Variants in NCAPD2 observed in about 807,000 individuals in gnomAD.
NCAPD2 encodes the protein non-SMC condensin I complex subunit D2.
Under a neutral mutation model 164.5 loss-of-function variants are expected in NCAPD2, and 100 were observed. That is an observed-to-expected ratio of 0.61 (90% confidence interval 0.52 to 0.72). The LOEUF (loss-of-function observed/expected upper bound fraction) is 0.72. Among genes scored for constraint, NCAPD2 ranks in the 30% least tolerant of loss-of-function variants. The probability of loss-of-function intolerance (pLI) is 0.00; values close to 1 mark genes in which losing one functional copy is unlikely to be tolerated. For missense variants in NCAPD2, 1,560 were observed against 1,749.2 expected, an observed-to-expected ratio of 0.89 and a Z score of 1.93; for synonymous variants, 585 against 642.6, an observed-to-expected ratio of 0.91 and a Z score of 1.36.
chr12:6,525,961 C>T (rs903979270), intron 18 of NCAPD2, 107 bp from the exon 19 acceptor site: 8 of 1,434,976 alleles, frequency 5.6e-6, no homozygotes, highest in African/African-American at 2.8e-5. Flanking sequence ...TAGTGCTCCA[C>T]GGCTCTAGAC....
Position 6,517,646 on chromosome 12 carries a change from A to G in NCAPD2, c.1371A>G (p.Leu457=). ...AGPLQKETQK[L]QEMRAQRRTA... ...CACTGCAGAAGGAGACCCAGAAATT[A>G]CAAGAGATGAGGGCCCAGAGGCGAA... Residue 457 remains leucine (L), a synonymous_variant, in exon 12 of 32, where the codon TTA becomes TTG. Coordinates refer to ENST00000315579, the MANE Select transcript of NCAPD2 (RefSeq NM_014865.4). 6.2e-7 allele frequency: 1 copy of G among 1,614,260 alleles called. No individual in the cohort carries two copies.
intron 13 of NCAPD2, 23 bp from the exon 14 acceptor site, chr12:6,520,962 AC>A (rs1195580977): frequency 6.2e-7 from 1 of 1,613,500 alleles, no homozygotes; most frequent in Non-Finnish European, 8.5e-7. Context: ...TCTTCTGGGT[AC>A]TGACAGGCTG....
rs566110893 is a variant in NCAPD2, at chr12:6,516,956, T to C, written c.1116T>C (p.His372=). 4 of 1,614,148 alleles carry C rather than the reference T, an allele frequency of 2.5e-6. No individual in the cohort carries two copies. In the South Asian group the frequency reaches 3.3e-5, roughly 13 times the overall value. The change falls in exon 10 of 32, where the codon CAT becomes CAC. Residue 372 remains histidine (H), a synonymous_variant. Transcript: ENST00000315579. ...RDQFLDTLQA[H]GHDVNSFVRS... ...AGTTCTTGGATACTTTACAAGCCCA[T>C]GGCCATGATGTCAACTCCTTTGTGC... is the stretch of plus-strand genomic sequence containing the variant.
intron 2 of NCAPD2, among the ~76,000 whole-genome samples, chr12:6,505,846 C>CAG (rs61380726): frequency 0.79 from 120,403 of 152,012 alleles, 48,447 homozygotes; most frequent in African/African-American, 0.95. Flanking sequence ...GCCTGGGTGA[C>CAG]AGCAAGAACC....
intron 13 of NCAPD2, among the ~76,000 whole-genome samples, chr12:6,520,785 A>G (rs1946256593): frequency 6.6e-6 from 1 of 152,226 alleles, no homozygotes; most frequent in Non-Finnish European, 1.5e-5. Flanking sequence ...GTGTTTGCAG[A>G]TGAGCAGTCA....
At position 6,514,325 on chromosome 12, in the gene NCAPD2, C is replaced by G. The variant is rs1946179440; in HGVS notation, c.648C>G (p.Asn216Lys). Residue 216 changes from asparagine to lysine, a missense_variant, in exon 7 of 32, where the codon AAC (asparagine) becomes AAG (lysine). Coordinates refer to ENST00000315579, the MANE Select transcript of NCAPD2 (RefSeq NM_014865.4). ...LENPTINHQK[N>K]RPTREAITHL... ...ATCCCACCATTAATCACCAGAAGAACCGCCCCACTCGGGAAGCCATAACAC... is the reference window on the plus strand; with the variant it reads ...ATCCCACCATTAATCACCAGAAGAAGCGCCCCACTCGGGAAGCCATAACAC... 1 of 1,614,070 alleles carries G rather than the reference C, an allele frequency of 6.2e-7. No homozygotes were observed. Among genetic ancestry groups the G allele is most frequent in the African/African-American group, 1.3e-5 (1 of 74,926 alleles).
At chr12:6,530,519 A>C (rs1332435473) in intron 29 of NCAPD2, among the ~76,000 whole-genome samples, 172 bp from the exon 30 acceptor site, 1 of 152,220 alleles carries the variant, frequency 6.6e-6, no homozygotes, top group Admixed American at 6.5e-5. Flanking sequence ...TACTGTTGCC[A>C]TCACTTTGTC....
intron 17 of NCAPD2, among the ~76,000 whole-genome samples, chr12:6,524,008 T>C (rs1336578110): frequency 2.0e-5 from 3 of 152,214 alleles, no homozygotes; most frequent in Non-Finnish European, 4.4e-5. Context: ...TAGCATTATC[T>C]GCATTTTACA....
intron 2 of NCAPD2, among the ~76,000 whole-genome samples, chr12:6,499,777 G>A (rs1274304129): frequency 6.6e-6 from 1 of 152,174 alleles, no homozygotes; most frequent in Non-Finnish European, 1.5e-5. Flanking sequence ...ACACAGATTG[G>A]TGAGGACCAC....
intron 2 of NCAPD2, among the ~76,000 whole-genome samples, chr12:6,503,330 T>C (rs1221216218): frequency 6.6e-6 from 1 of 152,196 alleles, no homozygotes; most frequent in Non-Finnish European, 1.5e-5. Flanking sequence ...AGAAATTTAT[T>C]GGCTCACATT....
Position 6,526,211 on chromosome 12 carries a change from G to T in NCAPD2, c.2481+11G>T, listed in dbSNP as rs765697025. 2.5e-5 allele frequency: 40 copies of T among 1,614,054 alleles called. No individual in the cohort carries two copies. The highest frequency in any genetic ancestry group is 3.3e-5 in the Non-Finnish European group (39 of 1,180,044). On this transcript the variant is annotated intron_variant, in intron 19 of 31. Coordinates refer to ENST00000315579, the MANE Select transcript of NCAPD2 (RefSeq NM_014865.4). ...TCGGACAGGAGAAAGGTATGTGGGGGTGGTTCCAAACTAAGGAGAGTGGAG... is the reference window on the plus strand; with the variant it reads ...TCGGACAGGAGAAAGGTATGTGGGGTTGGTTCCAAACTAAGGAGAGTGGAG...
At chr12:6,527,167 C>A in intron 22 of NCAPD2, 104 bp downstream of exon 22, 3 of 1,265,976 alleles carry the variant, frequency 2.4e-6, no homozygotes, top group South Asian at 1.7e-5. Flanking sequence ...TTACATGAAG[C>A]GAAGAGTTTC....
At chr12:6,519,556 T>C (rs1287281993) in intron 13 of NCAPD2, among the ~76,000 whole-genome samples, 1 of 152,216 alleles carries the variant, frequency 6.6e-6, no homozygotes, top group Non-Finnish European at 1.5e-5. Context: ...GCCTGGCCTT[T>C]GCCAGCCTGG....
rs559117736 is a variant in NCAPD2 at position 6,527,800 on chromosome 12, G to A, written c.2931G>A (p.Met977Ile). The A allele has an allele frequency of 6.2e-7, 1 of 1,613,512 alleles. No individual in the cohort carries two copies. The highest frequency in any genetic ancestry group is 1.1e-5 in the South Asian group (1 of 91,048). Reference protein sequence around the residue: ...KEKNTSSETTMEEELGLVGAT... With the variant: ...KEKNTSSETTIEEELGLVGAT... ...AGAATACGAGCTCTGAGACCACCAT[G>A]GAGGAGGAGCTGGGGCTGGTTGGGG... Residue 977 changes from methionine (M) to isoleucine (I), a missense_variant, in exon 23 of 32, where the codon ATG becomes ATA. Transcript: ENST00000315579.
Position 6,526,588 on chromosome 12 carries a change from G to A in NCAPD2, c.2707G>A (p.Glu903Lys). Residue 903 changes from glutamate to lysine, a missense_variant, in exon 21 of 32, where the codon GAG (glutamate) becomes AAG (lysine). Physicochemically the swap from Glu to Lys is moderately conservative, Grantham distance 56. Coordinates refer to ENST00000315579, the MANE Select transcript of NCAPD2 (RefSeq NM_014865.4). ...CAKQALEKLEEKRTSQEDPKE... is the reference protein window; with the variant it reads ...CAKQALEKLEKKRTSQEDPKE... The stretch of plus-strand genomic sequence containing the variant: ...AAAACAGGCCCTGGAGAAGCTAGAA[G>A]AGAAGAGAACCAGTCAGGAGGACCC... 3 of 1,614,124 alleles carry A rather than the reference G, an allele frequency of 1.9e-6. 1 individual carries two copies. Among genetic ancestry groups the A allele is most frequent in the South Asian group, 2.2e-5 (2 of 91,076 alleles).
rs765717692 is a variant in NCAPD2 at position 6,527,772 on chromosome 12, T to A, written c.2908-5T>A. On this transcript the variant is annotated splice_region_variant and splice_polypyrimidine_tract_variant and intron_variant, in intron 22 of 31. Transcript: ENST00000315579. Reference sequence around the variant, plus strand: ...ATCCATGATCCCCAATTTCATTCCCTTTAGAATACGAGCTCTGAGACCACC... The same window carrying A: ...ATCCATGATCCCCAATTTCATTCCCATTAGAATACGAGCTCTGAGACCACC... 1 of 1,608,494 alleles carries A rather than the reference T, an allele frequency of 6.2e-7. No homozygotes were observed. The highest frequency in any genetic ancestry group is 1.7e-5 in the Admixed American group (1 of 59,710).
At chr12:6,497,881 T>C (rs1384583693) in intron 2 of NCAPD2, among the ~76,000 whole-genome samples, 1 of 151,820 alleles carries the variant, frequency 6.6e-6, no homozygotes, top group Non-Finnish European at 1.5e-5. Flanking sequence ...CCTCCCAAAG[T>C]GCTGGGATTA....
intron 2 of NCAPD2, among the ~76,000 whole-genome samples, chr12:6,502,640 G>C (rs1007664991): frequency 6.6e-6 from 1 of 151,990 alleles, no homozygotes; most frequent in Admixed American, 6.6e-5. Context: ...TCTAACAATA[G>C]GGGAATAGTA....
Position 6,528,143 on chromosome 12 carries a change from C to T in NCAPD2, c.3144-30C>T, listed in dbSNP as rs867052658. Reference sequence around the variant, plus strand: ...CTCAAGGAAGATGGGGATGAAATGGCTTCCCTAATGATCCTCTTCTTGCTC... The same window carrying T: ...CTCAAGGAAGATGGGGATGAAATGGTTTCCCTAATGATCCTCTTCTTGCTC... On this transcript the variant is annotated intron_variant, in intron 24 of 31. Coordinates refer to ENST00000315579, the MANE Select transcript of NCAPD2 (RefSeq NM_014865.4). The surrounding 1 kb of genome is among the most constrained non-coding windows in gnomAD (Gnocchi z 5.1). The T allele has an allele frequency of 3.7e-6, 6 of 1,614,250 alleles. No individual in the cohort carries two copies. In the Middle Eastern group the frequency reaches 8.2e-4, roughly 222 times the overall value.
Sources: allele counts gnomAD v4.1 joint callset (sites outside exome capture counted in the v4.1 genomes callset), GRCh38; gene constraint gnomAD v4.1.1; non-coding constraint Gnocchi (gnomAD v3.1); transcripts MANE v1.5; gene names NCBI Gene and HGNC (gene_info 2026-07-23, HGNC 2026-07-21).